Variants in PDSS2 observed in about 807,000 individuals in gnomAD.
PDSS2 encodes decaprenyl diphosphate synthase subunit 2, also known as all trans-polyprenyl-diphosphate synthase PDSS2.
In PDSS2, 31 loss-of-function variants were observed where a neutral mutation model predicts 44.5. The ratio of observed to expected loss-of-function variants is 0.70; its 90% CI spans 0.52 to 0.94. The LOEUF is 0.94. PDSS2 is among the 40% of genes least tolerant of loss of function. The probability of loss-of-function intolerance (pLI) is 0.00; values close to 1 mark genes in which losing one functional copy is unlikely to be tolerated. For missense variants in PDSS2, 452 were observed against 482.2 expected (o/e 0.94, Z 0.59); for synonymous variants, 157 against 180.3 (o/e 0.87, Z 1.03).
chr6:107,459,193 G>C lies in PDSS2; in HGVS notation c.93C>G (p.Thr31=), dbSNP rs760091696. The C allele has an allele frequency of 6.2e-6, 10 of 1,614,086 alleles. No homozygotes were observed. Among genetic ancestry groups the C allele is most frequent in the Non-Finnish European group, 8.5e-6 (10 of 1,179,992 alleles). The part of the protein sequence containing the change: ...RRLWWSPSLD[T]ISSVGSWRGR... ...CACGCCAAGAGCCCACCGAGGAGAT[G>C]GTGTCGAGGGACGGGGACCACCACA... The change falls in exon 1 of 8, where the codon ACC becomes ACG. Residue 31 remains threonine (T), a synonymous_variant. Coordinates refer to ENST00000369037, the MANE Select transcript of PDSS2 (RefSeq NM_020381.4). The surrounding 1 kb of genome is among the most constrained non-coding windows in gnomAD (Gnocchi z 4.3).
At chr6:107,209,316 G>GT (rs1349823931) in intron 6 of PDSS2, among the ~76,000 whole-genome samples, 1 of 152,174 alleles carries the variant, frequency 6.6e-6, no homozygotes, top group Non-Finnish European at 1.5e-5. Flanking sequence ...TCTGAGGCTT[G>GT]TCAAGTGGTG....
At chr6:107,402,217 T>C (rs1047292997) in intron 1 of PDSS2, among the ~76,000 whole-genome samples, 2 of 150,918 alleles carry the variant, frequency 1.3e-5, no homozygotes, top group Non-Finnish European at 2.9e-5. Flanking sequence ...GAGGCAGAGG[T>C]TGCAGTGAGC....
chr6:107,234,309 G>A (rs957985679), intron 4 of PDSS2, among the ~76,000 whole-genome samples: 2 of 151,696 alleles, frequency 1.3e-5, no homozygotes, highest in Non-Finnish European at 2.9e-5. Context: ...AGGTTCCAGC[G>A]ATTCTCCTGC....
intron 2 of PDSS2, among the ~76,000 whole-genome samples, chr6:107,319,434 T>C (rs2500583): frequency 0.97 from 146,994 of 152,266 alleles, 71,153 homozygotes; most frequent in East Asian, 1. Context: ...TGATCTGGGG[T>C]GTTCTGATTG....
chr6:107,189,458 C>T lies in PDSS2; in HGVS notation c.1041+4364G>A, dbSNP rs141527922. On this transcript the variant is annotated intron_variant, in intron 7 of 7. Coordinates refer to ENST00000369037, the MANE Select transcript of PDSS2 (RefSeq NM_020381.4). ...GTTCAAGCAATTCTCCTGCCTCAGC[C>T]TCCCGAGTAGCTAGGATTACAGGCA... Among the ~76,000 whole-genome samples, 504 of 152,282 alleles carry T rather than the reference C, an allele frequency of 3.3e-3. 1 individual carries two copies. The highest frequency in any genetic ancestry group is 5.7e-3 in the Non-Finnish European group (386 of 68,032).
chr6:107,201,637 T>C (rs1772782356), intron 6 of PDSS2, among the ~76,000 whole-genome samples: 1 of 152,094 alleles, frequency 6.6e-6, no homozygotes, highest in South Asian at 2.1e-4. Flanking sequence ...TTATCTGGAG[T>C]TGAAAGCTGG....
At chr6:107,456,544 A>G (rs961828739) in intron 1 of PDSS2, among the ~76,000 whole-genome samples, 6 of 152,196 alleles carry the variant, frequency 3.9e-5, no homozygotes, top group Non-Finnish European at 7.3e-5. Context: ...GAAAAATAAC[A>G]ATGTAATTTT....
intron 1 of PDSS2, among the ~76,000 whole-genome samples, chr6:107,386,396 A>C (rs998822317): frequency 6.6e-6 from 1 of 151,988 alleles, no homozygotes; most frequent in Non-Finnish European, 1.5e-5. Flanking sequence ...AAAAAAAACA[A>C]AAATTGACAA....
chr6:107,352,553 C>T (rs536261016), intron 1 of PDSS2, among the ~76,000 whole-genome samples: 4 of 152,164 alleles, frequency 2.6e-5, no homozygotes, highest in African/African-American at 9.6e-5. Flanking sequence ...TTTGATATAC[C>T]AGTAACTGAA....
chr6:107,224,731 C>T (rs1006351049), intron 4 of PDSS2, among the ~76,000 whole-genome samples: 2 of 151,194 alleles, frequency 1.3e-5, no homozygotes, highest in African/African-American at 2.5e-5. Context: ...TTACACTATA[C>T]GAAATCTAGA....
chr6:107,322,999 T>G (rs1777430380), intron 2 of PDSS2, among the ~76,000 whole-genome samples: 1 of 151,764 alleles, frequency 6.6e-6, no homozygotes, highest in African/African-American at 2.4e-5. Flanking sequence ...CTTTCAGGAG[T>G]GAGAAGGAAA....
At chr6:107,390,339 T>C (rs1779741398) in intron 1 of PDSS2, among the ~76,000 whole-genome samples, 1 of 152,040 alleles carries the variant, frequency 6.6e-6, no homozygotes, top group East Asian at 1.9e-4. Context: ...AGAAGGGCAA[T>C]TCATCTCTGT....
intron 1 of PDSS2, among the ~76,000 whole-genome samples, chr6:107,434,930 T>C (rs1346592743): frequency 1.3e-5 from 2 of 152,060 alleles, no homozygotes; most frequent in Admixed American, 1.3e-4. Context: ...ACACTTACTA[T>C]GTACTCATAA....
rs143502207 is a variant in PDSS2 at position 107,341,687 on chromosome 6, C to T, written c.297-7355G>A. ...ATGGATAATGAAGTATGTATACACA[C>T]GCACAATGGAGGCAGAGAACTACAA... is the stretch of plus-strand genomic sequence containing the variant. On this transcript the variant is annotated intron_variant, in intron 1 of 7. Coordinates refer to ENST00000369037, the MANE Select transcript of PDSS2 (RefSeq NM_020381.4). Among the ~76,000 whole-genome samples the T allele has an allele frequency of 8.3e-3, 1,257 of 152,252 alleles. 21 individuals carry two copies. The highest frequency in any genetic ancestry group is 0.027 in the African/African-American group (1,111 of 41,538).
chr6:107,268,575 G>T (rs1249205765), intron 3 of PDSS2, among the ~76,000 whole-genome samples: 2 of 151,964 alleles, frequency 1.3e-5, no homozygotes, highest in Admixed American at 1.3e-4. Flanking sequence ...AAAATAATGA[G>T]AATTATTATT....
At chr6:107,208,208 A>G (rs1448131666) in intron 6 of PDSS2, among the ~76,000 whole-genome samples, 1 of 140,522 alleles carries the variant, frequency 7.1e-6, no homozygotes, top group African/African-American at 2.7e-5. Flanking sequence ...CTGGTCTCGA[A>G]CTCCTGACCT....
At chr6:107,283,279 T>A (rs1452460933) in intron 2 of PDSS2, among the ~76,000 whole-genome samples, 1 of 151,552 alleles carries the variant, frequency 6.6e-6, no homozygotes, top group African/African-American at 2.4e-5. Flanking sequence ...TGGGCTGTGT[T>A]TGCAACACCG....
chr6:107,454,257 A>G (rs1038897776), intron 1 of PDSS2, among the ~76,000 whole-genome samples: 1 of 152,104 alleles, frequency 6.6e-6, no homozygotes, highest in African/African-American at 2.4e-5. Flanking sequence ...CATGTTGCCC[A>G]GGTTGGTCTC....
chr6:107,162,801 C>T (rs1016500003), intron 7 of PDSS2, among the ~76,000 whole-genome samples: 3 of 151,834 alleles, frequency 2.0e-5, no homozygotes, highest in Non-Finnish European at 4.4e-5. Context: ...GTTGGGGTTT[C>T]ACCAGATTGG....
Sources: gnomAD v4.1 joint callset for allele counts (sites outside exome capture counted in the v4.1 genomes callset) on GRCh38, gnomAD v4.1.1 for gene constraint, Gnocchi (gnomAD v3.1) non-coding constraint, MANE v1.5 for transcripts, NCBI Gene and HGNC (gene_info 2026-07-23, HGNC 2026-07-21) for gene names.